MSL2: variants seen among roughly 807,000 people sequenced by gnomAD.
MSL2 encodes the protein MSL complex subunit 2, also known as E3 ubiquitin-protein ligase MSL2.
A neutral mutation model predicts 35.8 loss-of-function variants in MSL2; 2 were observed. The ratio of observed to expected loss-of-function variants is 0.06; its 90% confidence interval spans 0.02 to 0.18. The LOEUF (loss-of-function observed/expected upper bound fraction) is 0.18. Ranked by LOEUF, MSL2 falls within the 10% of genes least tolerant of loss-of-function variation. MSL2 has a pLI of 1.00. For missense variants in MSL2, 523 were observed against 706.7 expected (o/e 0.74, Z 2.95); for synonymous variants, 296 against 255.7 (o/e 1.16, Z -1.50).
intron 1 of MSL2, among the ~76,000 whole-genome samples, chr3:136,161,977 G>T (rs562030528): frequency 6.6e-6 from 1 of 151,296 alleles, no homozygotes. Context: ...TTTCTCTGTC[G>T]CCCAGGCTAG....
intron 1 of MSL2, among the ~76,000 whole-genome samples, chr3:136,168,707 A>G (rs1344849520): frequency 6.6e-6 from 1 of 152,126 alleles, no homozygotes; most frequent in Non-Finnish European, 1.5e-5. Context: ...ACACCTATGT[A>G]ACAAACCTGC....
intron 1 of MSL2, among the ~76,000 whole-genome samples, chr3:136,176,574 C>A (rs1016404820): frequency 3.4e-5 from 5 of 149,178 alleles, no homozygotes; most frequent in Non-Finnish European, 7.4e-5. Flanking sequence ...TGCCTATCAT[C>A]TCAGCATTGG....
intron 1 of MSL2, among the ~76,000 whole-genome samples, chr3:136,192,530 G>C (rs1373190193): frequency 6.6e-6 from 1 of 151,658 alleles, no homozygotes; most frequent in Admixed American, 6.6e-5. Flanking sequence ...AGTTGAGTTA[G>C]GCCTTTAGAA....
intron 1 of MSL2, among the ~76,000 whole-genome samples, chr3:136,180,444 G>C (rs1220649966): frequency 6.6e-6 from 1 of 151,888 alleles, no homozygotes; most frequent in Non-Finnish European, 1.5e-5. Context: ...AACTTATAAA[G>C]AATAAAAGAC....
chr3:136,190,206 A>G (rs113413175), intron 1 of MSL2, among the ~76,000 whole-genome samples: 5 of 152,238 alleles, frequency 3.3e-5, no homozygotes, highest in African/African-American at 9.6e-5. Context: ...TGACCAATAT[A>G]TATGGGCCTG....
At chr3:136,156,052 C>A in intron 1 of MSL2, 1 of 258,400 alleles carries the variant, frequency 3.9e-6, no homozygotes, top group Non-Finnish European at 7.8e-6. Flanking sequence ...CCTGCCCTCC[C>A]CCAAAAAACT....
rs776191592 is a variant in MSL2 at position 136,152,744 on chromosome 3, G to A, written c.143-6C>T. On this transcript the variant is annotated splice_region_variant and splice_polypyrimidine_tract_variant and intron_variant, in intron 1 of 1. Coordinates refer to ENST00000309993, the MANE Select transcript of MSL2 (RefSeq NM_018133.4). ...AGGATCTTGTAGCAAATGTCCTAAG[G>A]GGGAGAAGGAGGAAAGCAAAGATTT... 5.6e-6 allele frequency: 9 copies of A among 1,604,788 alleles called. No homozygotes were observed. The highest frequency in any genetic ancestry group is 2.2e-5 in the East Asian group (1 of 44,780).
intron 1 of MSL2, among the ~76,000 whole-genome samples, chr3:136,173,380 G>A (rs1195360189): frequency 6.6e-6 from 1 of 152,000 alleles, no homozygotes; most frequent in African/African-American, 2.4e-5. Context: ...AGCTTAACAT[G>A]AGCAAATATA....
chr3:136,172,982 G>A (rs1033467287), intron 1 of MSL2, among the ~76,000 whole-genome samples: 2 of 152,042 alleles, frequency 1.3e-5, no homozygotes, highest in Admixed American at 6.6e-5. Flanking sequence ...TGTCCAACAT[G>A]GCGAAACCCT....
intron 1 of MSL2, among the ~76,000 whole-genome samples, chr3:136,179,601 C>T (rs1010691243): frequency 2.6e-5 from 4 of 151,960 alleles, no homozygotes; most frequent in East Asian, 3.8e-4. Flanking sequence ...GAACTCCTGG[C>T]GACATTTCAT....
At chr3:136,179,911 C>T (rs951732316) in intron 1 of MSL2, among the ~76,000 whole-genome samples, 2 of 151,974 alleles carry the variant, frequency 1.3e-5, no homozygotes, top group Non-Finnish European at 2.9e-5. Context: ...ACTAAAAATA[C>T]AAAAACTAGC....
At chr3:136,185,008 T>C (rs1940478671) in intron 1 of MSL2, among the ~76,000 whole-genome samples, 2 of 152,162 alleles carry the variant, frequency 1.3e-5, no homozygotes, top group South Asian at 4.1e-4. Flanking sequence ...TGAGTCTTGC[T>C]CTGTAGCCCA....
rs1442508139 is a variant in MSL2 at position 136,149,905 on chromosome 3, G to A, written c.*1242C>T. ...GCTGCAGCTCTTCTTTTAAATCACA[G>A]GTTATTTCATTACACCTAGTCAGTC... On this transcript the variant is annotated 3_prime_UTR_variant, in exon 2 of 2. Coordinates refer to ENST00000309993, the MANE Select transcript of MSL2 (RefSeq NM_018133.4). 6.6e-6 allele frequency: 1 copy of A among 152,476 alleles called. No homozygotes were observed. The highest frequency in any genetic ancestry group is 1.5e-5 in the Non-Finnish European group (1 of 68,028). 9.4% of individuals were successfully genotyped at this position (152,476 alleles called of 1,614,324 possible).
At chr3:136,188,568 A>G (rs1940587606) in intron 1 of MSL2, among the ~76,000 whole-genome samples, 1 of 152,052 alleles carries the variant, frequency 6.6e-6, no homozygotes, top group Non-Finnish European at 1.5e-5. Context: ...TGGACAATAC[A>G]GCAAAACCCC....
chr3:136,163,802 T>C (rs1939770479), intron 1 of MSL2, among the ~76,000 whole-genome samples: 1 of 152,188 alleles, frequency 6.6e-6, no homozygotes, highest in Non-Finnish European at 1.5e-5. Context: ...GGAGATCTGA[T>C]GGTTTTATAA....
chr3:136,190,442 G>C (rs893260028), intron 1 of MSL2, among the ~76,000 whole-genome samples: 1 of 151,786 alleles, frequency 6.6e-6, no homozygotes, highest in African/African-American at 2.4e-5. Context: ...TGTAGTGTTA[G>C]CTACTCTAGA....
In MSL2 at chr3:136,152,231, G is replaced by A. The variant is rs770678471; in HGVS notation, c.650C>T (p.Thr217Met). Residue 217 changes from threonine to methionine, a missense_variant, in exon 2 of 2, where the codon ACG (threonine) becomes ATG (methionine). Physicochemically the swap from Thr to Met is moderately conservative, Grantham distance 81. Around this residue, in one of 5 missense-constraint regions of MSL2, gnomAD observed 361 missense variants for 414.6 expected, o/e 0.87. Coordinates refer to ENST00000309993, the MANE Select transcript of MSL2 (RefSeq NM_018133.4). ...INIPSPEHSNTIDVCNTVDIK... is the reference protein window; with the variant it reads ...INIPSPEHSNMIDVCNTVDIK... ...GTCAACAGTATTACATACGTCAATC[G>A]TATTTGAATGTTCAGGTGAAGGAAT... 12 of 1,614,096 alleles carry A rather than the reference G, an allele frequency of 7.4e-6. No individual in the cohort carries two copies. Among genetic ancestry groups the A allele is most frequent in the East Asian group, 2.2e-5 (1 of 44,894 alleles).
intron 1 of MSL2, among the ~76,000 whole-genome samples, chr3:136,174,913 C>T (rs1052564848): frequency 6.6e-6 from 1 of 152,118 alleles, no homozygotes; most frequent in Non-Finnish European, 1.5e-5. Flanking sequence ...TACATATATA[C>T]TAAACTCATG....
chr3:136,167,082 C>A (rs1013040644), intron 1 of MSL2, among the ~76,000 whole-genome samples: 1 of 151,994 alleles, frequency 6.6e-6, no homozygotes, highest in African/African-American at 2.4e-5. Context: ...ATATATAAAA[C>A]TGATAATGGC....
Sources: gnomAD v4.1 joint callset for allele counts (sites outside exome capture counted in the v4.1 genomes callset) on GRCh38, gnomAD v4.1.1 for gene constraint, gnomAD v4.1.1 regional missense constraint, MANE v1.5 for transcripts, NCBI Gene and HGNC (gene_info 2026-07-23, HGNC 2026-07-21) for gene names.